Variants in PREX1 observed in about 807,000 individuals in gnomAD.
The protein encoded by PREX1 is phosphatidylinositol-3,4,5-trisphosphate dependent Rac exchange factor 1.
In PREX1, 41 loss-of-function variants were observed where a neutral mutation model predicts 198.3. The observed-to-expected ratio is 0.21, with a 90% CI of 0.16 to 0.27. PREX1 has a LOEUF of 0.27. PREX1 is among the 10% of genes least tolerant of loss of function. PREX1 has a pLI of 1.00. For synonymous variants in PREX1, 843 were observed against 887.2 expected, an observed-to-expected ratio of 0.95 and a Z score of 0.89; for missense variants, 1,620 against 2,200.7, an observed-to-expected ratio of 0.74 and a Z score of 5.28.
chr20:48,631,732 G>A (rs989075688), intron 35 of PREX1, among the ~76,000 whole-genome samples: 8 of 152,148 alleles, frequency 5.3e-5, no homozygotes, highest in African/African-American at 1.7e-4. Context: ...TGAGACACAC[G>A]CAGGAAGGGC....
chr20:48,632,577 C>T lies in PREX1; in HGVS notation c.4330G>A (p.Asp1444Asn), dbSNP rs754664226. 6 of 1,613,972 alleles carry T rather than the reference C, an allele frequency of 3.7e-6. No homozygotes were observed. The highest frequency in any genetic ancestry group is 4.2e-6 in the Non-Finnish European group (5 of 1,179,920). Reference protein sequence around the residue: ...RQALKVIFYLDSYHFSKLPSR... With the variant: ...RQALKVIFYLNSYHFSKLPSR... ...GGCAGCTTGGAGAAGTGGTAGCTGT[C>T]GAGGTAGAAGATGACCTTCAGCGCC... The change falls in exon 34 of 40, where the codon GAC becomes AAC. Residue 1444 changes from aspartate (D) to asparagine (N), a missense_variant. By Grantham distance (23) the Asp-to-Asn change is conservative. This residue lies in a region of PREX1 where 476 missense variants were observed against 603.4 expected (regional missense o/e 0.79). Transcript: ENST00000371941.
chr20:48,766,787 A>G (rs978701819), intron 1 of PREX1, among the ~76,000 whole-genome samples: 1 of 152,176 alleles, frequency 6.6e-6, no homozygotes, highest in Non-Finnish European at 1.5e-5. Context: ...CCCAGTTTCC[A>G]TCTTCTTTCA....
the PREX1 span, among the ~76,000 whole-genome samples, chr20:48,845,993 C>T: frequency 6.6e-6 from 1 of 152,192 alleles, no homozygotes; most frequent in South Asian, 2.1e-4. Context: ...AAAATGATCA[C>T]AGCTAACACT....
intron 29 of PREX1, 178 bp downstream of exon 29, chr20:48,641,990 A>G (rs2089417189): frequency 3.4e-6 from 2 of 590,538 alleles, no homozygotes; most frequent in Non-Finnish European, 6.0e-6. Flanking sequence ...TTCTTGGCTC[A>G]GAGCCTACAA....
intron 31 of PREX1, 151 bp from the exon 32 acceptor site, chr20:48,636,834 G>C: frequency 3.0e-6 from 2 of 668,766 alleles, no homozygotes; most frequent in Non-Finnish European, 4.9e-6. Flanking sequence ...GGACATCCCA[G>C]CCACCAAAAG....
intron 7 of PREX1, among the ~76,000 whole-genome samples, chr20:48,693,910 TTTTA>T (rs943726870): frequency 4.7e-5 from 7 of 150,130 alleles, no homozygotes; most frequent in East Asian, 2.0e-4. Context: ...GCCGGCCTTA[TTTTA>T]TTTATTTATT....
intron 15 of PREX1, among the ~76,000 whole-genome samples, chr20:48,660,537 A>T (rs1045841823): frequency 2.0e-5 from 3 of 152,248 alleles, no homozygotes; most frequent in Admixed American, 1.3e-4. Flanking sequence ...AAGCTAATGG[A>T]TTAAAGACCT....
chr20:48,646,193 G>T (rs537052120), intron 25 of PREX1, 136 bp from the exon 26 acceptor site: 1 of 828,734 alleles, frequency 1.2e-6, no homozygotes, highest in Non-Finnish European at 1.9e-6. Context: ...GTTCTTTCAC[G>T]GCCAAGCTAC....
chr20:48,711,454 G>A (rs1335125484), intron 5 of PREX1, among the ~76,000 whole-genome samples: 1 of 152,156 alleles, frequency 6.6e-6, no homozygotes, highest in Non-Finnish European at 1.5e-5. Context: ...AATGTGGCCA[G>A]TCAGCTCCCG....
the PREX1 span, among the ~76,000 whole-genome samples, chr20:48,874,372 C>CGTGTGTGTGTGTGT: frequency 7.8e-6 from 1 of 127,920 alleles, no homozygotes; most frequent in Non-Finnish European, 1.7e-5. Flanking sequence ...GAGGGGTGTC[C>CGTGTGTGTGTGTGT]GTGTGTGTGT....
the PREX1 span, among the ~76,000 whole-genome samples, chr20:48,847,307 T>C: frequency 6.9e-6 from 1 of 145,920 alleles, no homozygotes; most frequent in South Asian, 2.1e-4. Flanking sequence ...TTGAGAGTGC[T>C]CTGAAAAAAC....
intron 14 of PREX1, among the ~76,000 whole-genome samples, chr20:48,673,726 C>T (rs2089691182): frequency 6.6e-6 from 1 of 152,184 alleles, no homozygotes; most frequent in South Asian, 2.1e-4. Context: ...TCTTACTGGT[C>T]TCGTGGTCCC....
chr20:48,884,108 C>CA, the PREX1 span, among the ~76,000 whole-genome samples: 1 of 148,496 alleles, frequency 6.7e-6, no homozygotes, highest in Non-Finnish European at 1.5e-5. Context: ...CACTGCACTC[C>CA]AGCCTGGACG....
chr20:48,709,624 A>C (rs1216548012), intron 5 of PREX1, among the ~76,000 whole-genome samples: 5 of 152,244 alleles, frequency 3.3e-5, no homozygotes, highest in Non-Finnish European at 7.3e-5. Context: ...AGAAAGCCTA[A>C]GGCCTCGAAG....
chr20:48,805,616 C>T (rs1358261671), intron 1 of PREX1, among the ~76,000 whole-genome samples: 1 of 152,200 alleles, frequency 6.6e-6, no homozygotes, highest in Non-Finnish European at 1.5e-5. Context: ...GGCTGGGTCT[C>T]CAGGGTCCCC....
chr20:48,696,081 T>C (rs879928565), intron 7 of PREX1, among the ~76,000 whole-genome samples: 19 of 152,250 alleles, frequency 1.2e-4, no homozygotes, highest in Non-Finnish European at 2.5e-4. Context: ...CCTTACAGTA[T>C]TTTTTAATGA....
At chr20:48,712,615 T>C (rs987720284) in intron 5 of PREX1, among the ~76,000 whole-genome samples, 3 of 152,234 alleles carry the variant, frequency 2.0e-5, no homozygotes, top group African/African-American at 7.2e-5. Flanking sequence ...CCTCTATCTC[T>C]ATTCTTGCTC....
At chr20:48,782,229 T>C (rs1219980605) in intron 1 of PREX1, among the ~76,000 whole-genome samples, 1 of 152,182 alleles carries the variant, frequency 6.6e-6, no homozygotes, top group East Asian at 1.9e-4. Context: ...ATAATTCCCA[T>C]GTGTTGTGGG....
the PREX1 span, among the ~76,000 whole-genome samples, chr20:48,885,893 C>G: frequency 1.3e-4 from 19 of 151,940 alleles, no homozygotes; most frequent in Non-Finnish European, 2.4e-4. Flanking sequence ...TTAGTAGTTG[C>G]CAGGGGTTAG....
Sources: gnomAD v4.1 joint callset for allele counts (sites outside exome capture counted in the v4.1 genomes callset) on GRCh38, gnomAD v4.1.1 for gene constraint, gnomAD v4.1.1 regional missense constraint, MANE v1.5 for transcripts, NCBI Gene and HGNC (gene_info 2026-07-23, HGNC 2026-07-21) for gene names.